The following KAZN variants were observed in gnomAD, a reference collection of about 807,000 sequenced individuals.
The protein encoded by KAZN is kazrin.
In KAZN, 40 loss-of-function variants were observed where a neutral mutation model predicts 87.4. That is an observed-to-expected ratio of 0.46 (90% CI 0.36 to 0.60). The LOEUF is 0.60. Among genes scored for constraint, KAZN ranks in the 20% least tolerant of loss-of-function variants. The pLI is 0.00. For synonymous variants in KAZN, 466 were observed against 458.3 expected (o/e 1.02, Z -0.22); for missense variants, 898 against 1,073.9 (o/e 0.84, Z 2.29).
At position 14,722,678 on chromosome 1, in the gene KAZN, A is replaced by C. The variant is rs182631532; in HGVS notation, c.226+123455A>C. 3.7e-3 allele frequency among the ~76,000 whole-genome samples: 562 copies of C among 152,264 alleles called. 2 individuals are homozygous for C. The highest frequency in any genetic ancestry group is 0.013 in the African/African-American group (522 of 41,548). On this transcript the variant is annotated intron_variant, in intron 1 of 14. Coordinates refer to ENST00000376030, the MANE Select transcript of KAZN (RefSeq NM_201628.3). ...TGATTGTGGAGAATTTCAAACATGC[A>C]GGGAAGTCAGCAGCCCAGTAAAATG...
At chr1:15,059,103 T>C (rs1638554441) in intron 5 of KAZN, among the ~76,000 whole-genome samples, 1 of 117,074 alleles carries the variant, frequency 8.5e-6, no homozygotes, top group Non-Finnish European at 1.6e-5. Context: ...AAACAGGCAC[T>C]TTTTTTTTTT....
chr1:14,464,503 G>C (rs979893139), intron 2 of KAZN, among the ~76,000 whole-genome samples: 2 of 151,712 alleles, frequency 1.3e-5, no homozygotes, highest in Non-Finnish European at 2.9e-5. Context: ...ATTGGCATTT[G>C]AGTTTGAGAC....
At chr1:14,231,139 GT>G (rs1452491803) in intron 2 of KAZN, among the ~76,000 whole-genome samples, 13 of 152,104 alleles carry the variant, frequency 8.5e-5, no homozygotes, top group Admixed American at 8.5e-4. Context: ...TACCCATAAG[GT>G]TTATTATTAG....
chr1:14,413,362 G>A (rs1254786527), intron 2 of KAZN, among the ~76,000 whole-genome samples: 2 of 151,834 alleles, frequency 1.3e-5, no homozygotes, highest in African/African-American at 2.4e-5. Flanking sequence ...AGGCTGAGGC[G>A]GGCGGATCAC....
chr1:14,899,004 G>C (rs1655563484), intron 1 of KAZN, among the ~76,000 whole-genome samples: 1 of 152,198 alleles, frequency 6.6e-6, no homozygotes, highest in African/African-American at 2.4e-5. Flanking sequence ...CTGCTGTGGA[G>C]ATCAGGAGAT....
intron 1 of KAZN, among the ~76,000 whole-genome samples, chr1:13,904,217 G>A (rs1038406417): frequency 2.0e-5 from 3 of 152,206 alleles, no homozygotes; most frequent in African/African-American, 4.8e-5. Flanking sequence ...CTGGAGGCCA[G>A]CATGCACCTT....
At chr1:14,010,273 G>A (rs1328989533) in intron 1 of KAZN, among the ~76,000 whole-genome samples, 3 of 152,266 alleles carry the variant, frequency 2.0e-5, no homozygotes, top group Admixed American at 1.3e-4. Flanking sequence ...GGAGCTGCCT[G>A]CTGTACTTTG....
intron 2 of KAZN, among the ~76,000 whole-genome samples, chr1:14,230,771 TAAG>T (rs988697700): frequency 2.0e-5 from 3 of 152,292 alleles, no homozygotes; most frequent in Admixed American, 1.3e-4. Context: ...ATTTTTTCAG[TAAG>T]AAGGTTATAA....
At chr1:14,076,006 G>A (rs1381954149) in intron 1 of KAZN, among the ~76,000 whole-genome samples, 1 of 152,196 alleles carries the variant, frequency 6.6e-6, no homozygotes, top group African/African-American at 2.4e-5. Flanking sequence ...TGTAGACTGG[G>A]CGCGGTGGCT....
At chr1:15,014,428 T>A (rs773777326) in intron 2 of KAZN, among the ~76,000 whole-genome samples, 7 of 152,118 alleles carry the variant, frequency 4.6e-5, no homozygotes, top group Non-Finnish European at 8.8e-5. Context: ...TGGTTATCAT[T>A]GCTGCTCCTG....
intron 1 of KAZN, among the ~76,000 whole-genome samples, chr1:14,825,775 T>A (rs954213422): frequency 5.9e-5 from 9 of 152,184 alleles, no homozygotes; most frequent in Admixed American, 3.3e-4. Flanking sequence ...TTACCTTGCG[T>A]GTCATTGACT....
chr1:14,495,940 A>C (rs1196421798), intron 2 of KAZN, among the ~76,000 whole-genome samples: 5 of 152,196 alleles, frequency 3.3e-5, no homozygotes, highest in Non-Finnish European at 5.9e-5. Context: ...TGGGTCTTTA[A>C]GAGTGAAATA....
At chr1:14,781,745 G>A (rs1645356250) in intron 1 of KAZN, among the ~76,000 whole-genome samples, 1 of 152,208 alleles carries the variant, frequency 6.6e-6, no homozygotes, top group South Asian at 2.1e-4. Flanking sequence ...GGGAGGCCTA[G>A]ATGGGAGCCT....
chr1:14,799,201 G>T (rs529188019), intron 1 of KAZN, among the ~76,000 whole-genome samples: 1 of 152,154 alleles, frequency 6.6e-6, no homozygotes, highest in African/African-American at 2.4e-5. Context: ...CCTGTTTAAG[G>T]CCCCCTCTTA....
intron 2 of KAZN, among the ~76,000 whole-genome samples, chr1:14,416,275 A>G (rs1420993683): frequency 6.6e-6 from 1 of 152,188 alleles, no homozygotes; most frequent in Non-Finnish European, 1.5e-5. Context: ...CACATTCTAG[A>G]CATGTCTACA....
intron 2 of KAZN, among the ~76,000 whole-genome samples, chr1:14,181,119 C>T (rs966844115): frequency 1.3e-5 from 2 of 152,070 alleles, no homozygotes; most frequent in South Asian, 2.1e-4. Context: ...ACTATTTTAT[C>T]GAAATATTTA....
At chr1:14,940,820 A>C (rs1314469179) in intron 1 of KAZN, among the ~76,000 whole-genome samples, 1 of 148,602 alleles carries the variant, frequency 6.7e-6, no homozygotes, top group Non-Finnish European at 1.5e-5. Flanking sequence ...GAGTGCTATC[A>C]GGGTGGATGT....
At chr1:14,407,217 C>T (rs1236868052) in intron 2 of KAZN, among the ~76,000 whole-genome samples, 2 of 152,156 alleles carry the variant, frequency 1.3e-5, no homozygotes. Context: ...GAACTCTTGT[C>T]CATGGCAGAG....
chr1:14,385,782 A>G (rs1228347104), intron 2 of KAZN, among the ~76,000 whole-genome samples: 1 of 149,992 alleles, frequency 6.7e-6, no homozygotes, highest in Non-Finnish European at 1.5e-5. Context: ...AAAAAAATGT[A>G]TATTCTGTTG....
Sources: allele counts gnomAD v4.1 joint callset (sites outside exome capture counted in the v4.1 genomes callset), GRCh38; gene constraint gnomAD v4.1.1; transcripts MANE v1.5; gene names NCBI Gene and HGNC (gene_info 2026-07-23, HGNC 2026-07-21).